Variants in FOXK1 observed in about 807,000 individuals in gnomAD.
FOXK1 encodes forkhead box protein K1.
In FOXK1, 19 loss-of-function variants were observed where a neutral mutation model predicts 51.9. That is an observed-to-expected ratio of 0.37 (90% CI 0.26 to 0.54). The LOEUF is 0.54. FOXK1 is among the 20% of genes least tolerant of loss of function. The pLI, the probability that FOXK1 is intolerant of heterozygous loss-of-function variation, is 0.87. For missense variants in FOXK1, 870 were observed against 1,032.7 expected, an observed-to-expected ratio of 0.84 and a Z score of 2.16; for synonymous variants, 537 against 482.6, an observed-to-expected ratio of 1.11 and a Z score of -1.48.
At chr7:4,705,305 A>G (rs1055757035) in intron 1 of FOXK1, among the ~76,000 whole-genome samples, 1 of 151,786 alleles carries the variant, frequency 6.6e-6, no homozygotes, top group African/African-American at 2.4e-5. Context: ...TTCCCACCTC[A>G]GCCTCCCCAG....
Position 4,747,708 on chromosome 7 carries a change from T to A in FOXK1, c.746+6685T>A, listed in dbSNP as rs1216682978. ...CCACCACCACACACACCCAGCTCAT[T>A]TTTTATTTTCGTTGAGATGGTGTCT... On this transcript the variant is annotated intron_variant, in intron 2 of 8. Coordinates refer to ENST00000328914, the MANE Select transcript of FOXK1 (RefSeq NM_001037165.2). This position sits in a 1 kb window ranked among gnomAD's most constrained non-coding sequence, Gnocchi z 9.2. Among the ~76,000 whole-genome samples, 21 of 151,682 alleles carry A rather than the reference T, an allele frequency of 1.4e-4. No homozygotes were observed. Among genetic ancestry groups the A allele is most frequent in the Admixed American group, 1.4e-3 (21 of 15,232 alleles).
chr7:4,746,360 T>C (rs1224165090), intron 2 of FOXK1, among the ~76,000 whole-genome samples: 2 of 152,210 alleles, frequency 1.3e-5, no homozygotes, highest in Non-Finnish European at 2.9e-5. Flanking sequence ...CTCCTTTTTC[T>C]GACAACTTTG....
At chr7:4,752,065 G>A (rs1780786429) in intron 2 of FOXK1, among the ~76,000 whole-genome samples, 1 of 152,206 alleles carries the variant, frequency 6.6e-6, no homozygotes, top group African/African-American at 2.4e-5. Context: ...CCATCTTCCT[G>A]CCTCAGCCTC....
rs1276959026 is a variant in FOXK1, at chr7:4,711,220, G to GT, written c.560+28353dup. ...GCTCTGTTCAGGAAGCGTTGTGCTG[G>GT]TGTGCCCTCCTGGGTCCCGACACCT... is the stretch of plus-strand genomic sequence containing the variant. On this transcript the variant is annotated intron_variant, in intron 1 of 8. Transcript: ENST00000328914. This position sits in a 1 kb window ranked among gnomAD's most constrained non-coding sequence, Gnocchi z 6.3. Among the ~76,000 whole-genome samples the GT allele has an allele frequency of 2.6e-5, 4 of 152,158 alleles. No homozygotes were observed. Among genetic ancestry groups the GT allele is most frequent in the African/African-American group, 9.7e-5 (4 of 41,446 alleles).
At position 4,730,380 on chromosome 7, in the gene FOXK1, C is replaced by T. The variant is rs910695839; in HGVS notation, c.561-10458C>T. 3.3e-5 allele frequency among the ~76,000 whole-genome samples: 5 copies of T among 152,224 alleles called. No homozygotes were observed. The highest frequency in any genetic ancestry group is 2.6e-4 in the Admixed American group (4 of 15,282). The stretch of plus-strand genomic sequence containing the variant: ...CTGCTACCCAGCTTGCCACCGCTGT[C>T]AGCCGTGGGGTTCAGGAGAACAGGG... On this transcript the variant is annotated intron_variant, in intron 1 of 8. Coordinates refer to ENST00000328914, the MANE Select transcript of FOXK1 (RefSeq NM_001037165.2). This position sits in a 1 kb window ranked among gnomAD's most constrained non-coding sequence, Gnocchi z 4.7.
At position 4,771,362 on chromosome 7, in the gene FOXK1, G is replaced by T. The variant is rs1252050611; in HGVS notation, c.*8898G>T. On this transcript the variant is annotated 3_prime_UTR_variant, in exon 9 of 9. Transcript: ENST00000328914. ...CTGTTCTTTTATCTATTAAATTGTT[G>T]TATGTGGATGGGGAAGTTTTGTTTC... 3 of 152,472 alleles carry T rather than the reference G, an allele frequency of 2.0e-5. No homozygotes were observed. The highest frequency in any genetic ancestry group is 4.4e-5 in the Non-Finnish European group (3 of 68,000). 9.4% of individuals were successfully genotyped at this position (152,472 alleles called of 1,614,324 possible).
chr7:4,693,929 G>A (rs544878203), intron 1 of FOXK1, among the ~76,000 whole-genome samples: 1 of 152,164 alleles, frequency 6.6e-6, no homozygotes, highest in South Asian at 2.1e-4. Flanking sequence ...TGCCCAGGCT[G>A]GAGTACAGTG....
rs1780854923 is a variant in FOXK1, at chr7:4,756,540, C to A, written c.1051-454C>A. On this transcript the variant is annotated intron_variant, in intron 4 of 8. Coordinates refer to ENST00000328914, the MANE Select transcript of FOXK1 (RefSeq NM_001037165.2). The surrounding 1 kb of genome is among the most constrained non-coding windows in gnomAD (Gnocchi z 4.1). ...GTAGCTCATGCCTGTAATCCCAGCA[C>A]TTTGGGAGGCCGAGGTGGAAGGATT... Among the ~76,000 whole-genome samples the A allele has an allele frequency of 6.6e-6, 1 of 151,788 alleles. No homozygotes were observed. The highest frequency in any genetic ancestry group is 1.5e-5 in the Non-Finnish European group (1 of 67,930).
At chr7:4,721,580 CTTTTTTTTCT>C (rs1393480491) in intron 1 of FOXK1, among the ~76,000 whole-genome samples, 1 of 135,694 alleles carries the variant, frequency 7.4e-6, no homozygotes, top group Non-Finnish European at 1.6e-5. Context: ...TTTTCTTTTT[CTTTTTTTTCT>C]TTTTTTTTTT....
Position 4,743,986 on chromosome 7 carries a change from CCT to C in FOXK1, c.746+2964_746+2965del, listed in dbSNP as rs966391279. Among the ~76,000 whole-genome samples, 11 of 152,022 alleles carry C rather than the reference CCT, an allele frequency of 7.2e-5. No individual in the cohort carries two copies. The highest frequency in any genetic ancestry group is 2.7e-4 in the African/African-American group (11 of 41,366). On this transcript the variant is annotated intron_variant, in intron 2 of 8. Coordinates refer to ENST00000328914, the MANE Select transcript of FOXK1 (RefSeq NM_001037165.2). This position sits in a 1 kb window ranked among gnomAD's most constrained non-coding sequence, Gnocchi z 5.3. The stretch of plus-strand genomic sequence containing the variant: ...CCACCTCCCTGGTTCAAGCAATTCC[CCT>C]GTCTCAGCCTTGAGAGTAGGTGGGA...
At position 4,709,722 on chromosome 7, in the gene FOXK1, T is replaced by C. The variant is rs918247222; in HGVS notation, c.560+26854T>C. Among the ~76,000 whole-genome samples the C allele has an allele frequency of 6.6e-6, 1 of 152,244 alleles. No homozygotes were observed. Among genetic ancestry groups the C allele is most frequent in the Admixed American group, 6.5e-5 (1 of 15,294 alleles). On this transcript the variant is annotated intron_variant, in intron 1 of 8. Coordinates refer to ENST00000328914, the MANE Select transcript of FOXK1 (RefSeq NM_001037165.2). This position sits in a 1 kb window ranked among gnomAD's most constrained non-coding sequence, Gnocchi z 5.6. ...CGTTTTACGCCATTGGTTTGGACCC[T>C]GGAGCAGTGAAGTTCCACAGTGTCA...
Position 4,766,679 on chromosome 7 carries a change from G to C in FOXK1, c.*4215G>C, listed in dbSNP as rs967613584. The stretch of plus-strand genomic sequence containing the variant: ...TTCACCCTGCCCCCTCCAGACTGCC[G>C]AAGCCCCCAAGAAGTTTTGAGCCCA... On this transcript the variant is annotated 3_prime_UTR_variant, in exon 9 of 9. Coordinates refer to ENST00000328914, the MANE Select transcript of FOXK1 (RefSeq NM_001037165.2). The surrounding 1 kb of genome is among the most constrained non-coding windows in gnomAD (Gnocchi z 5.5). 3 of 152,236 alleles carry C rather than the reference G, an allele frequency of 2.0e-5. No individual in the cohort carries two copies. The highest frequency in any genetic ancestry group is 7.2e-5 in the African/African-American group (3 of 41,432). The allele number at this position is 152,236 out of a possible 1,614,324, so 9.4% of individuals were successfully genotyped here.
chr7:4,747,583 T>C lies in FOXK1; in HGVS notation c.746+6560T>C, dbSNP rs1440854984. Among the ~76,000 whole-genome samples the C allele has an allele frequency of 6.6e-6, 1 of 152,186 alleles. No individual in the cohort carries two copies. The highest frequency in any genetic ancestry group is 2.4e-5 in the African/African-American group (1 of 41,418). ...CAGGGTCTCACTCTATTGCCCAGGC[T>C]GGAGTGCAGTGGCACAGTCACAGCT... On this transcript the variant is annotated intron_variant, in intron 2 of 8. Transcript: ENST00000328914. The surrounding 1 kb of genome is among the most constrained non-coding windows in gnomAD (Gnocchi z 9.2).
In FOXK1 at chr7:4,730,733, C is replaced by T. The variant is rs1249303719; in HGVS notation, c.561-10105C>T. On this transcript the variant is annotated intron_variant, in intron 1 of 8. Transcript: ENST00000328914. The surrounding 1 kb of genome is among the most constrained non-coding windows in gnomAD (Gnocchi z 4.7). ...TGCAATAGAGAGGCGCCTATGGCTG[C>T]AGCCACCTGTGTTCGTTTTGGGGTT... 6.6e-6 allele frequency among the ~76,000 whole-genome samples: 1 copy of T among 152,234 alleles called. No individual in the cohort carries two copies. Among genetic ancestry groups the T allele is most frequent in the African/African-American group, 2.4e-5 (1 of 41,452 alleles).
intron 1 of FOXK1, among the ~76,000 whole-genome samples, chr7:4,713,891 T>C (rs548116315): frequency 6.6e-6 from 1 of 152,012 alleles, no homozygotes; most frequent in East Asian, 1.9e-4. Context: ...AGTGGCGTAG[T>C]CTTGGCTCAC....
chr7:4,682,619 C>A lies in FOXK1; in HGVS notation c.311C>A (p.Pro104Gln), dbSNP rs762878185. ...GCCTCGGTACGGCAGAGCCCGGGGCCGGCGCTGGCGCGGCTGGAGGGCCGC... is the reference window on the plus strand; with the variant it reads ...GCCTCGGTACGGCAGAGCCCGGGGCAGGCGCTGGCGCGGCTGGAGGGCCGC... ...AAASVRQSPG[P>Q]ALARLEGREF... is the part of the protein sequence containing the mutation. Residue 104 changes from proline to glutamine, a missense_variant, in exon 1 of 9, where the codon CCG becomes CAG. Physicochemically the swap from Pro to Gln is moderately conservative, Grantham distance 76. Coordinates refer to ENST00000328914, the MANE Select transcript of FOXK1 (RefSeq NM_001037165.2). The surrounding 1 kb of genome is among the most constrained non-coding windows in gnomAD (Gnocchi z 7.6). 4.0e-6 allele frequency: 6 copies of A among 1,516,274 alleles called. No individual in the cohort carries two copies. Among genetic ancestry groups the A allele is most frequent in the Non-Finnish European group, 5.3e-6 (6 of 1,138,660 alleles). The allele number at this position is 1,516,274 out of a possible 1,614,324, so 93.9% of individuals were successfully genotyped here. A position where few individuals can be genotyped will look rare whatever the true frequency, so the allele number is the denominator to read the frequency against.
intron 1 of FOXK1, among the ~76,000 whole-genome samples, chr7:4,693,927 C>T (rs534658718): frequency 1.3e-5 from 2 of 152,302 alleles, no homozygotes; most frequent in African/African-American, 4.8e-5. Flanking sequence ...GTTGCCCAGG[C>T]TGGAGTACAG....
In FOXK1 at chr7:4,759,335, T is replaced by G; in HGVS notation, c.1436T>G (p.Val479Gly). The G allele has an allele frequency of 6.2e-7, 1 of 1,601,416 alleles. No homozygotes were observed. The highest frequency in any genetic ancestry group is 1.1e-5 in the South Asian group (1 of 90,900). Residue 479 changes from valine to glycine, a missense_variant, in exon 7 of 9, where the codon GTG becomes GGG. This residue lies in a region of FOXK1 where 457 missense variants were observed against 510.8 expected (regional missense o/e 0.89). Transcript: ENST00000328914. ...APGSPVSAQP[V>G]IMAVPPRPSS... ...GGCTCCCCCGTCAGCGCCCAGCCAGTGATCATGGCCGTGCCTCCCCGACCG... is the reference window on the plus strand; with the variant it reads ...GGCTCCCCCGTCAGCGCCCAGCCAGGGATCATGGCCGTGCCTCCCCGACCG...
chr7:4,731,591 C>A lies in FOXK1; in HGVS notation c.561-9247C>A, dbSNP rs1780476850. Among the ~76,000 whole-genome samples, 1 of 152,038 alleles carries A rather than the reference C, an allele frequency of 6.6e-6. No individual in the cohort carries two copies. The highest frequency in any genetic ancestry group is 2.4e-5 in the African/African-American group (1 of 41,402). On this transcript the variant is annotated intron_variant, in intron 1 of 8. Transcript: ENST00000328914. The surrounding 1 kb of genome is among the most constrained non-coding windows in gnomAD (Gnocchi z 5.3). ...CCTGGCCAACATGGTGAAACCCCAT[C>A]TCTACTAAAAATACAAAAATTAGCC...
Sources: allele counts gnomAD v4.1 joint callset (sites outside exome capture counted in the v4.1 genomes callset), GRCh38; gene constraint gnomAD v4.1.1; regional missense constraint gnomAD v4.1.1; non-coding constraint Gnocchi (gnomAD v3.1); transcripts MANE v1.5; gene names NCBI Gene and HGNC (gene_info 2026-07-23, HGNC 2026-07-21).